The following EYS variants were observed in gnomAD, a reference collection of about 807,000 sequenced individuals.
EYS encodes the protein protein eyes shut homolog.
Under a neutral mutation model 282.1 loss-of-function variants are expected in EYS, and 250 were observed. That is an observed-to-expected ratio of 0.89 (90% CI 0.80 to 0.98). The LOEUF is 0.98. Ranked by LOEUF, EYS falls within the 50% of genes least tolerant of loss-of-function variation. The pLI, the probability that EYS is intolerant of heterozygous loss-of-function variation, is 0.00. For missense variants in EYS, 4,016 were observed against 3,709.0 expected (o/e 1.08, Z -2.15); for synonymous variants, 1,355 against 1,282.9 (o/e 1.06, Z -1.20).
chr6:65,636,068 T>G (rs1055105924), intron 2 of EYS, among the ~76,000 whole-genome samples: 32 of 152,248 alleles, frequency 2.1e-4, no homozygotes, highest in African/African-American at 7.7e-4. Flanking sequence ...ATGGTCTTTA[T>G]TTATGCAGCG....
At chr6:64,148,834 G>A (rs1774608751) in intron 31 of EYS, among the ~76,000 whole-genome samples, 1 of 152,068 alleles carries the variant, frequency 6.6e-6, no homozygotes, top group Non-Finnish European at 1.5e-5. Flanking sequence ...CCCAACCATA[G>A]AACTGAGAAA....
At chr6:65,491,565 T>C (rs1169099019) in intron 4 of EYS, 1 of 436,002 alleles carries the variant, frequency 2.3e-6, no homozygotes, top group Admixed American at 2.4e-5. Context: ...GCAGAACTTT[T>C]TTCTTCATTT....
At chr6:65,501,927 CAG>C (rs1766468577) in intron 2 of EYS, among the ~76,000 whole-genome samples, 1 of 151,596 alleles carries the variant, frequency 6.6e-6, no homozygotes, top group Non-Finnish European at 1.5e-5. Context: ...TTTTAAAAAA[CAG>C]AGCTGGTTTT....
intron 13 of EYS, among the ~76,000 whole-genome samples, chr6:65,000,189 C>T (rs757766285): frequency 9.9e-5 from 15 of 152,128 alleles, no homozygotes; most frequent in East Asian, 3.9e-4. Flanking sequence ...CTATACGTTC[C>T]GCTAGAGGAA....
intron 31 of EYS, among the ~76,000 whole-genome samples, chr6:64,114,708 G>C (rs915786395): frequency 6.6e-6 from 1 of 152,194 alleles, no homozygotes; most frequent in Non-Finnish European, 1.5e-5. Context: ...AGCCACCATA[G>C]TAGGTGTGGA....
At chr6:65,704,690 A>G (rs1017870301) in intron 1 of EYS, among the ~76,000 whole-genome samples, 3 of 152,208 alleles carry the variant, frequency 2.0e-5, no homozygotes, top group African/African-American at 7.2e-5. Flanking sequence ...ATTCATCAGA[A>G]ATTTTAGTTA....
chr6:65,413,813 G>A (rs905580442), intron 5 of EYS, among the ~76,000 whole-genome samples: 8 of 151,818 alleles, frequency 5.3e-5, no homozygotes, highest in African/African-American at 9.7e-5. Context: ...CCGAGATTGC[G>A]CCACTGCACT....
Position 64,822,771 on chromosome 6 carries a change from T to C in EYS, c.3044A>G (p.His1015Arg), listed in dbSNP as rs1219082950. 2 of 1,550,136 alleles carry C rather than the reference T, an allele frequency of 1.3e-6. No individual in the cohort carries two copies. Among genetic ancestry groups the C allele is most frequent in the South Asian group, 1.2e-5 (1 of 83,902 alleles). Reference sequence around the variant, plus strand: ...GATGCCATCGATACAAACTCCATCATGGAGACAGGGCTCTGATAGGCATTC... The same window carrying C: ...GATGCCATCGATACAAACTCCATCACGGAGACAGGGCTCTGATAGGCATTC... Reference protein sequence around the residue: ...LDECLSEPCLHDGVCIDGINH... With the variant: ...LDECLSEPCLRDGVCIDGINH... The change falls in exon 20 of 43, where the codon CAT becomes CGT. Residue 1015 changes from histidine (H) to arginine (R), a missense_variant. By Grantham distance (29) the His-to-Arg change is conservative. Coordinates refer to ENST00000503581, the MANE Select transcript of EYS (RefSeq NM_001142800.2).
At chr6:65,365,037 G>A (rs896100214) in intron 8 of EYS, among the ~76,000 whole-genome samples, 1 of 151,540 alleles carries the variant, frequency 6.6e-6, no homozygotes, top group Non-Finnish European at 1.5e-5. Flanking sequence ...GAGATAGATT[G>A]CTTAAAAAAG....
At chr6:63,810,448 C>G (rs1181586730) in intron 36 of EYS, among the ~76,000 whole-genome samples, 2 of 152,114 alleles carry the variant, frequency 1.3e-5, no homozygotes. Context: ...CACCTTTCTT[C>G]AACTCTGCAG....
chr6:65,347,461 C>A (rs1470924518), intron 9 of EYS, among the ~76,000 whole-genome samples: 1 of 151,668 alleles, frequency 6.6e-6, no homozygotes, highest in Admixed American at 6.6e-5. Context: ...TTATGTCTTT[C>A]ATAAGCAGAT....
At chr6:64,284,971 T>C (rs550113719) in intron 30 of EYS, among the ~76,000 whole-genome samples, 1 of 152,308 alleles carries the variant, frequency 6.6e-6, no homozygotes, top group African/African-American at 2.4e-5. Context: ...GCTGCAAAGA[T>C]CTCTGACATG....
At chr6:63,777,953 C>T in intron 40 of EYS, 53 bp downstream of exon 40, 1 of 1,454,052 alleles carries the variant, frequency 6.9e-7, no homozygotes, top group East Asian at 2.5e-5. Flanking sequence ...AGTGGAGTAC[C>T]AGTTAGAGTG....
At chr6:65,457,693 C>T (rs1764677546) in intron 5 of EYS, among the ~76,000 whole-genome samples, 1 of 152,026 alleles carries the variant, frequency 6.6e-6, no homozygotes, top group African/African-American at 2.4e-5. Flanking sequence ...CAAGTTTACC[C>T]TAATATGCTA....
At position 63,763,581 on chromosome 6, in the gene EYS, A is replaced by T. The variant is rs574235538; in HGVS notation, c.7899-948T>A. Reference sequence around the variant, plus strand: ...TTCTCATGGTAATGAGTTAGTTCTCATGAGATCTGATGGTTTTATAAGGGG... The same window carrying T: ...TTCTCATGGTAATGAGTTAGTTCTCTTGAGATCTGATGGTTTTATAAGGGG... On this transcript the variant is annotated intron_variant, in intron 40 of 42. Transcript: ENST00000503581. Among the ~76,000 whole-genome samples, 4 of 151,696 alleles carry T rather than the reference A, an allele frequency of 2.6e-5. No homozygotes were observed. In the East Asian group the frequency reaches 7.8e-4, roughly 30 times the overall value.
chr6:63,893,675 T>C (rs1023910667), intron 35 of EYS, among the ~76,000 whole-genome samples: 3 of 152,098 alleles, frequency 2.0e-5, no homozygotes, highest in South Asian at 4.1e-4. Context: ...TGTATACCTA[T>C]ATAACTTGCA....
chr6:63,753,138 G>GTA (rs1769381915), intron 41 of EYS, among the ~76,000 whole-genome samples: 1 of 64,326 alleles, frequency 1.6e-5, no homozygotes, highest in Non-Finnish European at 2.7e-5. Context: ...ATGTGTGTGT[G>GTA]TGTATATATA....
chr6:64,078,657 TAAC>T (rs1219796523), intron 32 of EYS, among the ~76,000 whole-genome samples: 2 of 152,088 alleles, frequency 1.3e-5, no homozygotes, highest in African/African-American at 4.8e-5. Context: ...TCCGGTACTA[TAAC>T]AACAATTATA....
At chr6:64,412,900 T>G (rs551370071) in intron 28 of EYS, 2 of 150,906 alleles carry the variant, frequency 1.3e-5, no homozygotes, top group East Asian at 3.9e-4. Context: ...ATGGTAAAGT[T>G]AAAAAAAAAT....
Sources: allele counts gnomAD v4.1 joint callset (sites outside exome capture counted in the v4.1 genomes callset), GRCh38; gene constraint gnomAD v4.1.1; transcripts MANE v1.5; gene names NCBI Gene and HGNC (gene_info 2026-07-23, HGNC 2026-07-21).